ATOSA: variants seen among roughly 807,000 people sequenced by gnomAD.
The protein encoded by ATOSA is atos homolog protein A.
the ATOSA span, among the ~76,000 whole-genome samples, chr15:52,584,184 A>T: frequency 1.1e-4 from 16 of 139,730 alleles, no homozygotes; most frequent in African/African-American, 4.3e-4. Context: ...CATTCTTGTC[A>T]CCCAGGCTGG....
the ATOSA span, among the ~76,000 whole-genome samples, chr15:52,584,397 C>T: frequency 1.3e-5 from 2 of 151,996 alleles, no homozygotes; most frequent in South Asian, 4.1e-4. Context: ...CTTGGCCTCC[C>T]AAAGTGCTGG....
chr15:52,642,987 C>T, the ATOSA span, among the ~76,000 whole-genome samples: 2 of 151,966 alleles, frequency 1.3e-5, no homozygotes, highest in Non-Finnish European at 2.9e-5. Flanking sequence ...CTTTTTTAAC[C>T]TCACCTTCCA....
At chr15:52,643,436 C>T in the ATOSA span, among the ~76,000 whole-genome samples, 6 of 150,932 alleles carry the variant, frequency 4.0e-5, no homozygotes, top group African/African-American at 1.5e-4. Flanking sequence ...GGACCACAGG[C>T]ATGCACCACC....
At chr15:52,643,948 T>C in the ATOSA span, among the ~76,000 whole-genome samples, 2 of 152,224 alleles carry the variant, frequency 1.3e-5, no homozygotes, top group Admixed American at 6.5e-5. Context: ...AAAAACCCTG[T>C]ATTTTAAAGG....
At chr15:52,588,010 T>C in the ATOSA span, among the ~76,000 whole-genome samples, 32 of 152,314 alleles carry the variant, frequency 2.1e-4, no homozygotes, top group Admixed American at 2.0e-3. Context: ...GAGAGCTGAT[T>C]TGAGTCAAGG....
chr15:52,598,527 T>A, the ATOSA span: 1 of 152,216 alleles, frequency 6.6e-6, no homozygotes, highest in Non-Finnish European at 1.5e-5. Flanking sequence ...TCTAACCCCA[T>A]CTTTTATTGC....
chr15:52,608,986 T>G, the ATOSA span: 2 of 1,612,800 alleles, frequency 1.2e-6, no homozygotes, highest in Admixed American at 1.7e-5. Flanking sequence ...AGTGGTGCAA[T>G]TTGAATACTG....
chr15:52,669,651 T>G, the ATOSA span, among the ~76,000 whole-genome samples: 1 of 152,210 alleles, frequency 6.6e-6, no homozygotes, highest in African/African-American at 2.4e-5. Context: ...ATATGAAAAC[T>G]TTAAATATTG....
chr15:52,709,395 T>C, the ATOSA span, among the ~76,000 whole-genome samples: 1 of 152,200 alleles, frequency 6.6e-6, no homozygotes, highest in Non-Finnish European at 1.5e-5. Context: ...TTTACATAAA[T>C]GTTTCTCATA....
chr15:52,703,450 C>G, the ATOSA span, among the ~76,000 whole-genome samples: 11 of 152,094 alleles, frequency 7.2e-5, no homozygotes, highest in Non-Finnish European at 1.5e-4. Flanking sequence ...TCTTGCCCAT[C>G]AGTTTGACAA....
chr15:52,640,588 A>T, the ATOSA span, among the ~76,000 whole-genome samples: 234 of 147,308 alleles, frequency 1.6e-3, 8 homozygotes, highest in East Asian at 0.024. Flanking sequence ...AAAAAAAAAA[A>T]AAAAAAAAAA....
the ATOSA span, chr15:52,610,123 G>A: frequency 6.2e-7 from 1 of 1,614,010 alleles, no homozygotes; most frequent in South Asian, 1.1e-5. Flanking sequence ...CAGACGCTGT[G>A]AACTGTTTGT....
chr15:52,653,107 T>C, the ATOSA span, among the ~76,000 whole-genome samples: 1 of 152,178 alleles, frequency 6.6e-6, no homozygotes, highest in Non-Finnish European at 1.5e-5. Flanking sequence ...GGCTCTAGGA[T>C]TTCCATACAG....
At chr15:52,597,529 TA>T in the ATOSA span, among the ~76,000 whole-genome samples, 1 of 152,222 alleles carries the variant, frequency 6.6e-6, no homozygotes, top group African/African-American at 2.4e-5. Context: ...CCCCTAAGAG[TA>T]AATACTGTGT....
the ATOSA span, among the ~76,000 whole-genome samples, chr15:52,588,137 T>A: frequency 1.3e-5 from 2 of 152,178 alleles, no homozygotes; most frequent in African/African-American, 4.8e-5. Context: ...GCATCACTTG[T>A]GAACTCGTTA....
chr15:52,664,967 A>C, the ATOSA span, among the ~76,000 whole-genome samples: 1 of 152,038 alleles, frequency 6.6e-6, no homozygotes. Context: ...GTGCAGGGGA[A>C]GGAATACCAG....
the ATOSA span, chr15:52,611,323 A>G: frequency 6.4e-7 from 1 of 1,565,066 alleles, no homozygotes. Context: ...AGAATGGCAG[A>G]AGCTGAGATC....
the ATOSA span, chr15:52,609,078 T>G: frequency 6.2e-7 from 1 of 1,613,514 alleles, no homozygotes; most frequent in Non-Finnish European, 8.5e-7. Flanking sequence ...GAGACAAAAT[T>G]GAGGAAGTTG....
chr15:52,681,602 G>A, the ATOSA span, among the ~76,000 whole-genome samples: 1 of 152,158 alleles, frequency 6.6e-6, no homozygotes, highest in Non-Finnish European at 1.5e-5. Context: ...CAGAACAAAT[G>A]TTTCTAGTTC....
Sources: gnomAD v4.1 joint callset for allele counts (sites outside exome capture counted in the v4.1 genomes callset) on GRCh38, gnomAD v4.1.1 for gene constraint, MANE v1.5 for transcripts, NCBI Gene and HGNC (gene_info 2026-07-23, HGNC 2026-07-21) for gene names.